DCP1B: variants seen among roughly 807,000 people sequenced by gnomAD.
DCP1B encodes mRNA-decapping enzyme 1B.
DCP1B carries 47 observed loss-of-function variants against 60.5 expected under a neutral mutation model. The observed-to-expected ratio is 0.78, with a 90% CI of 0.61 to 0.99. The LOEUF is 0.99. Among genes scored for constraint, DCP1B ranks in the 50% least tolerant of loss-of-function variants. The pLI, the probability that DCP1B is intolerant of heterozygous loss-of-function variation, is 0.00. For synonymous variants in DCP1B, 267 were observed against 280.3 expected, an observed-to-expected ratio of 0.95 and a Z score of 0.47; for missense variants, 725 against 756.8, an observed-to-expected ratio of 0.96 and a Z score of 0.49.
At position 1,973,019 on chromosome 12, in the gene DCP1B, A is replaced by G. The variant is rs561365855; in HGVS notation, c.320-5109T>C. 5.3e-5 allele frequency among the ~76,000 whole-genome samples: 8 copies of G among 152,274 alleles called. No individual in the cohort carries two copies. The South Asian group carries it at 1.7e-3, about 32-fold the overall frequency. On this transcript the variant is annotated intron_variant, in intron 3 of 8. Coordinates refer to ENST00000280665, the MANE Select transcript of DCP1B (RefSeq NM_152640.5). ...TGTGCGGATTCTGTACTTCTTCCCC[A>G]TTTGGAATGTTTGCACTCAAAATGC...
chr12:1,997,742 G>A (rs141282848), intron 2 of DCP1B, among the ~76,000 whole-genome samples, 193 bp downstream of exon 2: 4,160 of 152,236 alleles, frequency 0.027, 94 homozygotes, highest in Middle Eastern at 0.054. Context: ...TCTGAAATTA[G>A]TATTCATCAC....
At chr12:1,974,867 T>G (rs999955769) in intron 3 of DCP1B, among the ~76,000 whole-genome samples, 1 of 152,190 alleles carries the variant, frequency 6.6e-6, no homozygotes, top group African/African-American at 2.4e-5. Context: ...AAGCTATGTT[T>G]AAACATGTCT....
In DCP1B at chr12:2,000,056, C is replaced by G. The variant is rs74059693; in HGVS notation, c.151-2081G>C. 1.7e-3 allele frequency among the ~76,000 whole-genome samples: 253 copies of G among 152,270 alleles called. 1 individual carries two copies. The highest frequency in any genetic ancestry group is 5.9e-3 in the African/African-American group (246 of 41,554). ...GCACTAAGAATTACTTACACCCAAACCACCAAAGTATTAATCAGGAAAATG... is the reference window on the plus strand; with the variant it reads ...GCACTAAGAATTACTTACACCCAAAGCACCAAAGTATTAATCAGGAAAATG... On this transcript the variant is annotated intron_variant, in intron 1 of 8. Coordinates refer to ENST00000280665, the MANE Select transcript of DCP1B (RefSeq NM_152640.5).
chr12:1,993,931 C>T (rs2040166313), intron 2 of DCP1B, among the ~76,000 whole-genome samples: 1 of 152,152 alleles, frequency 6.6e-6, no homozygotes, highest in African/African-American at 2.4e-5. Context: ...TGTGAGGACA[C>T]AGCCTGAACT....
intron 3 of DCP1B, among the ~76,000 whole-genome samples, chr12:1,968,319 G>C (rs895754450): frequency 1.3e-5 from 2 of 148,648 alleles, no homozygotes; most frequent in Admixed American, 1.4e-4. Flanking sequence ...GCCATTGGAC[G>C]CCAGCCTGGA....
At chr12:2,004,247 C>G (rs202018880) in intron 1 of DCP1B, 35 bp downstream of exon 1, 1 of 1,611,396 alleles carries the variant, frequency 6.2e-7, no homozygotes, top group Non-Finnish European at 8.5e-7. Flanking sequence ...CCACCCCAAC[C>G]CTGGGCTGCA....
In DCP1B at chr12:2,003,256, CAG is replaced by C. The variant is rs372715689; in HGVS notation, c.150+1024_150+1025del. On this transcript the variant is annotated intron_variant, in intron 1 of 8. Coordinates refer to ENST00000280665, the MANE Select transcript of DCP1B (RefSeq NM_152640.5). ...ATGAATGTGGGTGTTAAAAAAAATA[CAG>C]AGTTGTTCAACATGGATGTTTTCCT... Among the ~76,000 whole-genome samples, 719 of 152,198 alleles carry C rather than the reference CAG, an allele frequency of 4.7e-3. 9 individuals are homozygous for C. Among genetic ancestry groups the C allele is most frequent in the African/African-American group, 0.016 (685 of 41,548 alleles).
chr12:2,003,663 A>G (rs1001406791), intron 1 of DCP1B, among the ~76,000 whole-genome samples: 24 of 152,284 alleles, frequency 1.6e-4, no homozygotes, highest in African/African-American at 5.5e-4. Context: ...GACCTCCAAT[A>G]TCGAACTTGG....
intron 1 of DCP1B, among the ~76,000 whole-genome samples, chr12:2,002,587 G>C (rs1186621584): frequency 6.6e-6 from 1 of 152,298 alleles, no homozygotes; most frequent in African/African-American, 2.4e-5. Context: ...ACATTGATAA[G>C]GGTCAAAAGC....
downstream of DCP1B, among the ~76,000 whole-genome samples, chr12:1,945,480 C>A (rs973788697): frequency 5.3e-5 from 8 of 152,230 alleles, no homozygotes; most frequent in South Asian, 2.1e-4. Flanking sequence ...TAGGTATATA[C>A]CCGAAGGATT....
chr12:1,995,811 G>A (rs1347306215), intron 2 of DCP1B, among the ~76,000 whole-genome samples: 4 of 152,096 alleles, frequency 2.6e-5, no homozygotes. Context: ...ACTCCTTCAG[G>A]GAACAGCTTT....
intron 5 of DCP1B, among the ~76,000 whole-genome samples, chr12:1,959,711 G>A (rs1238496534): frequency 6.6e-6 from 1 of 152,236 alleles, no homozygotes; most frequent in Non-Finnish European, 1.5e-5. Context: ...TGTAATCCCA[G>A]CACTTTGTGA....
At chr12:1,978,682 T>C (rs1002993883) in intron 3 of DCP1B, among the ~76,000 whole-genome samples, 1 of 152,140 alleles carries the variant, frequency 6.6e-6, no homozygotes, top group Non-Finnish European at 1.5e-5. Flanking sequence ...ACACCCCACT[T>C]CCACCACCAG....
chr12:1,986,413 G>A (rs753604455), intron 3 of DCP1B, among the ~76,000 whole-genome samples: 9 of 152,130 alleles, frequency 5.9e-5, no homozygotes, highest in Non-Finnish European at 1.2e-4. Context: ...CTCTCACACT[G>A]TCAGACAGTC....
rs2041858669 is a variant in DCP1B at position 2,000,132 on chromosome 12, G to GTTCCTAAATT, written c.151-2158_151-2157insAATTTAGGAA. Among the ~76,000 whole-genome samples the GTTCCTAAATT allele has an allele frequency of 2.0e-5, 3 of 152,252 alleles. No individual in the cohort carries two copies. In the South Asian group the frequency reaches 6.2e-4, roughly 32 times the overall value. ...CTGAACAGTATACAAATTTTTGGCT[G>GTTCCTAAATT]TCCCTAAAGTTTAACTGATTCAGTC... is the stretch of plus-strand genomic sequence containing the variant. On this transcript the variant is annotated intron_variant, in intron 1 of 8. Coordinates refer to ENST00000280665, the MANE Select transcript of DCP1B (RefSeq NM_152640.5).
At chr12:1,983,979 T>C (rs978403551) in intron 3 of DCP1B, among the ~76,000 whole-genome samples, 10 of 152,250 alleles carry the variant, frequency 6.6e-5, no homozygotes, top group South Asian at 6.2e-4. Flanking sequence ...CATTATGCAA[T>C]GTCGTTTTTT....
Position 1,955,531 on chromosome 12 carries a change from T to C in DCP1B, c.552A>G (p.Ile184Met). 6.2e-7 allele frequency: 1 copy of C among 1,613,792 alleles called. No homozygotes were observed. The highest frequency in any genetic ancestry group is 8.5e-7 in the Non-Finnish European group (1 of 1,179,726). Residue 184 changes from isoleucine to methionine, a missense_variant, in exon 6 of 9, where the codon ATA becomes ATG. Coordinates refer to ENST00000280665, the MANE Select transcript of DCP1B (RefSeq NM_152640.5). Reference protein sequence around the residue: ...KCKTCSEPKKITSSSAIYDNP... With the variant: ...KCKTCSEPKKMTSSSAIYDNP... ...TGTCATAGATGGCAGAGGAACTGGT[T>C]ATCTTTTTTGGCTCAGAACAGGTTT...
intron 3 of DCP1B, among the ~76,000 whole-genome samples, chr12:1,984,777 G>GT (rs1342015372): frequency 1.9e-4 from 12 of 63,128 alleles, no homozygotes; most frequent in Non-Finnish European, 2.9e-4. Flanking sequence ...GGGTCTTCTG[G>GT]TAAAAAAAAA....
Position 1,953,088 on chromosome 12 carries a change from G to GGGT in DCP1B, c.849_851dup (p.Pro285dup), listed in dbSNP as rs765605945. ...CTGGACAGAGCTGCTTCTCAATGGG[G>GGGT]GGTGAGTGTCTTCTGGGTTCCTCAT... On this transcript the variant is annotated inframe_insertion, in exon 7 of 9. Coordinates refer to ENST00000280665, the MANE Select transcript of DCP1B (RefSeq NM_152640.5). 6.2e-7 allele frequency: 1 copy of GGGT among 1,613,958 alleles called. No individual in the cohort carries two copies. The highest frequency in any genetic ancestry group is 1.3e-5 in the African/African-American group (1 of 74,880).
Sources: gnomAD v4.1 joint callset for allele counts (sites outside exome capture counted in the v4.1 genomes callset) on GRCh38, gnomAD v4.1.1 for gene constraint, MANE v1.5 for transcripts, NCBI Gene and HGNC (gene_info 2026-07-23, HGNC 2026-07-21) for gene names.